HRH1: variants seen among roughly 807,000 people sequenced by gnomAD.
HRH1 encodes the protein histamine receptor H1, also known as histamine H1 receptor.
HRH1 carries 6 observed loss-of-function variants against 10.3 expected under a neutral mutation model. The observed-to-expected ratio is 0.58, with a 90% CI of 0.32 to 1.15. The LOEUF (loss-of-function observed/expected upper bound fraction) is 1.15, where lower values mean the gene tolerates loss of function less well. HRH1 is among the 50% of genes most tolerant of loss of function. The pLI is 0.05. For missense variants in HRH1, 514 were observed against 615.3 expected (o/e 0.84, Z 1.74); for synonymous variants, 242 against 236.7 (o/e 1.02, Z -0.21).
chr3:11,250,249 C>T (rs772942487), intron 1 of HRH1, among the ~76,000 whole-genome samples: 2 of 130,510 alleles, frequency 1.5e-5, no homozygotes, highest in Non-Finnish European at 3.1e-5. Context: ...TTAGTGGAGA[C>T]GGGGTTTCAC....
intron 1 of HRH1, among the ~76,000 whole-genome samples, chr3:11,148,868 T>C (rs1370231310): frequency 1.4e-5 from 2 of 146,368 alleles, no homozygotes; most frequent in Non-Finnish European, 3.0e-5. Flanking sequence ...CACAGTCTTG[T>C]CACATCATTA....
intron 1 of HRH1, among the ~76,000 whole-genome samples, chr3:11,168,296 G>A (rs80323631): frequency 3.0e-4 from 46 of 152,286 alleles, no homozygotes; most frequent in Non-Finnish European, 5.6e-4. Context: ...GGGCACTGCC[G>A]GCCACTAGGA....
chr3:11,194,970 G>A (rs138535964), intron 1 of HRH1, among the ~76,000 whole-genome samples: 25 of 152,138 alleles, frequency 1.6e-4, no homozygotes, highest in African/African-American at 5.5e-4. Flanking sequence ...GTGAGATACC[G>A]AAAACATCAT....
chr3:11,243,119 G>A (rs532208917), intron 1 of HRH1, among the ~76,000 whole-genome samples: 1 of 152,282 alleles, frequency 6.6e-6, no homozygotes, highest in African/African-American at 2.4e-5. Flanking sequence ...TCGCAATGCT[G>A]GCCAGGCTGG....
chr3:11,159,765 G>A (rs192957040), intron 1 of HRH1, among the ~76,000 whole-genome samples: 34 of 152,336 alleles, frequency 2.2e-4, no homozygotes, highest in Non-Finnish European at 3.2e-4. Flanking sequence ...TGCACAAGAT[G>A]GGCGTTGTTC....
intron 1 of HRH1, among the ~76,000 whole-genome samples, chr3:11,232,049 T>C (rs1258449396): frequency 6.6e-6 from 1 of 151,622 alleles, no homozygotes; most frequent in African/African-American, 2.4e-5. Flanking sequence ...TGGAGTGCAA[T>C]GGTGCAATCT....
At chr3:11,258,193 A>C (rs374885657) in intron 1 of HRH1, among the ~76,000 whole-genome samples, 101 of 137,944 alleles carry the variant, frequency 7.3e-4, no homozygotes, top group African/African-American at 2.7e-3. Context: ...CATATCATTT[A>C]GGGATGGTCT....
chr3:11,186,141 C>G (rs921229159), intron 1 of HRH1, among the ~76,000 whole-genome samples: 2 of 152,122 alleles, frequency 1.3e-5, no homozygotes, highest in Admixed American at 6.5e-5. Context: ...ATGCTGGGCT[C>G]TGAGTCAGGT....
chr3:11,195,789 G>T (rs1455571451), intron 1 of HRH1, among the ~76,000 whole-genome samples: 10 of 152,212 alleles, frequency 6.6e-5, no homozygotes. Context: ...GGAACCAGGG[G>T]CTGAAATGTG....
In HRH1 at chr3:11,259,917, G is replaced by A. The variant is rs1460548316; in HGVS notation, c.880G>A (p.Asp294Asn). ...CCCAGTTGTCTTCAGCCAAGAGGAT[G>A]ATAGAGAAGTAGACAAACTCTACTG... ...KSPVVFSQED[D>N]REVDKLYCFP... The change falls in exon 2 of 2, where the codon GAT becomes AAT. Residue 294 changes from aspartate (D) to asparagine (N), a missense_variant. Asp to Asn is a conservative substitution (Grantham distance 23). Transcript: ENST00000431010. This position sits in a 1 kb window ranked among gnomAD's most constrained non-coding sequence, Gnocchi z 4.6. The A allele has an allele frequency of 1.2e-6, 2 of 1,614,166 alleles. No individual in the cohort carries two copies. The highest frequency in any genetic ancestry group is 1.7e-6 in the Non-Finnish European group (2 of 1,180,028).
intron 1 of HRH1, among the ~76,000 whole-genome samples, chr3:11,142,006 G>A (rs2124991902): frequency 6.6e-6 from 1 of 152,308 alleles, no homozygotes; most frequent in East Asian, 1.9e-4. Context: ...AACAAGCCTT[G>A]TCTGAGCACC....
chr3:11,223,636 C>T (rs6773737), intron 1 of HRH1, among the ~76,000 whole-genome samples: 37,088 of 152,096 alleles, frequency 0.24, 4,585 homozygotes, highest in South Asian at 0.38. Context: ...GTCAAGTAGA[C>T]AGGGCTCTGG....
chr3:11,232,198 G>A (rs967130956), intron 1 of HRH1, among the ~76,000 whole-genome samples: 6 of 152,094 alleles, frequency 3.9e-5, no homozygotes, highest in Non-Finnish European at 8.8e-5. Flanking sequence ...ATGTTGGCCA[G>A]GATGGTCTCA....
At chr3:11,228,773 G>T (rs1000032945) in intron 1 of HRH1, among the ~76,000 whole-genome samples, 1 of 152,040 alleles carries the variant, frequency 6.6e-6, no homozygotes. Context: ...AATTAGCCAG[G>T]CGTGGTGGTG....
intron 1 of HRH1, among the ~76,000 whole-genome samples, chr3:11,163,591 C>A (rs1009330699): frequency 6.6e-6 from 1 of 152,068 alleles, no homozygotes; most frequent in African/African-American, 2.4e-5. Context: ...GATAATAGTC[C>A]TCTCCCCTAT....
At chr3:11,166,090 C>A (rs1416280710) in intron 1 of HRH1, among the ~76,000 whole-genome samples, 1 of 152,184 alleles carries the variant, frequency 6.6e-6, no homozygotes, top group African/African-American at 2.4e-5. Context: ...GCAACCAGCC[C>A]TTCCCCAGAC....
At chr3:11,256,214 A>G (rs1247920704) in intron 1 of HRH1, among the ~76,000 whole-genome samples, 1 of 152,152 alleles carries the variant, frequency 6.6e-6, no homozygotes, top group Non-Finnish European at 1.5e-5. Context: ...AGGAGGCCCC[A>G]TCAGCAATCA....
At chr3:11,249,393 ACT>A (rs1189848013) in intron 1 of HRH1, among the ~76,000 whole-genome samples, 2 of 119,326 alleles carry the variant, frequency 1.7e-5, no homozygotes, top group African/African-American at 3.5e-5. Flanking sequence ...ACAAAGTGAG[ACT>A]CTGTCTCAAA....
Position 11,260,193 on chromosome 3 carries a change from T to C in HRH1, c.1156T>C (p.Tyr386His), listed in dbSNP as rs759308272. 3 of 1,613,988 alleles carry C rather than the reference T, an allele frequency of 1.9e-6. No homozygotes were observed. Among genetic ancestry groups the C allele is most frequent in the Non-Finnish European group, 2.5e-6 (3 of 1,180,020 alleles). ...GAGTGGGTCTAACACAGGCCTGGAT[T>C]ACATCAAGTTTACTTGGAAGAGGCT... Reference protein sequence around the residue: ...LRSGSNTGLDYIKFTWKRLRS... With the variant: ...LRSGSNTGLDHIKFTWKRLRS... Residue 386 changes from tyrosine (Y) to histidine (H), a missense_variant, in exon 2 of 2, where the codon TAC (tyrosine) becomes CAC (histidine). Tyr to His is a moderately conservative substitution (Grantham distance 83, BLOSUM62 2). Coordinates refer to ENST00000431010, the MANE Select transcript of HRH1 (RefSeq NM_001098212.2).
Sources: gnomAD v4.1 joint callset for allele counts (sites outside exome capture counted in the v4.1 genomes callset) on GRCh38, gnomAD v4.1.1 for gene constraint, Gnocchi (gnomAD v3.1) non-coding constraint, MANE v1.5 for transcripts, NCBI Gene and HGNC (gene_info 2026-07-23, HGNC 2026-07-21) for gene names.